WNT8A: variants seen among roughly 807,000 people sequenced by gnomAD.
The protein encoded by WNT8A is Wnt family member 8A.
In WNT8A, 14 loss-of-function variants were observed where a neutral mutation model predicts 20.5. The observed-to-expected ratio is 0.68, with a 90% CI of 0.45 to 1.07. The LOEUF is 1.07. WNT8A is among the 50% of genes least tolerant of loss of function. The pLI is 0.00. For synonymous variants in WNT8A, 167 were observed against 169.2 expected (o/e 0.99, Z 0.10); for missense variants, 397 against 462.9 (o/e 0.86, Z 1.31).
intron 1 of WNT8A, 86 bp from the exon 2 acceptor site, chr5:138,084,412 A>G (rs1422920027): frequency 1.3e-6 from 2 of 1,549,572 alleles, no homozygotes; most frequent in Non-Finnish European, 8.7e-7. Context: ...CTTAATGGAG[A>G]GCTGGCCCAT....
upstream of WNT8A, chr5:138,083,871 C>T (rs994496761): frequency 8.4e-5 from 40 of 474,854 alleles, 1 homozygote; most frequent in Admixed American, 3.1e-4. Context: ...CTGGGCAGGG[C>T]GGGGCTTTTG....
intron 2 of WNT8A, among the ~76,000 whole-genome samples, chr5:138,085,853 CAA>C (rs11377173): frequency 2.9e-4 from 22 of 74,920 alleles, no homozygotes; most frequent in African/African-American, 6.9e-4. Context: ...GACCTTGTCT[CAA>C]AAAAAAAAAA....
chr5:138,087,625 C>A (rs1750708002), intron 2 of WNT8A, among the ~76,000 whole-genome samples, 181 bp from the exon 3 acceptor site: 1 of 123,148 alleles, frequency 8.1e-6, no homozygotes, highest in Non-Finnish European at 1.6e-5. Context: ...CCACTGCACT[C>A]CAGCCTGGTG....
chr5:138,083,282 C>A (rs1315112672), upstream of WNT8A, among the ~76,000 whole-genome samples: 22 of 124,600 alleles, frequency 1.8e-4, no homozygotes, highest in South Asian at 5.2e-4. Context: ...GACTCTGTCT[C>A]AAAAAAAAAA....
upstream of WNT8A, among the ~76,000 whole-genome samples, chr5:138,080,984 G>A (rs1490541880): frequency 2.0e-5 from 3 of 152,142 alleles, no homozygotes; most frequent in African/African-American, 7.2e-5. Context: ...GCTCACGCCT[G>A]TAATCCCAGC....
At chr5:138,086,864 A>G (rs1015149643) in intron 2 of WNT8A, among the ~76,000 whole-genome samples, 2 of 141,588 alleles carry the variant, frequency 1.4e-5, no homozygotes, top group African/African-American at 5.2e-5. Flanking sequence ...GTGAAACCCC[A>G]TATGTACTAA....
the WNT8A span, among the ~76,000 whole-genome samples, chr5:138,077,818 G>A: frequency 2.0e-5 from 3 of 152,226 alleles, no homozygotes; most frequent in South Asian, 4.2e-4. Context: ...ATCCTTGGGC[G>A]ATCGCTGTGT....
At chr5:138,083,001 G>A (rs781082968), upstream of WNT8A, among the ~76,000 whole-genome samples, 7 of 151,996 alleles carry the variant, frequency 4.6e-5, no homozygotes, top group Non-Finnish European at 8.8e-5. Context: ...AGGCATCAGG[G>A]CCACGCCCAG....
chr5:138,085,234 G>A (rs1581356874), intron 2 of WNT8A, among the ~76,000 whole-genome samples: 1 of 152,104 alleles, frequency 6.6e-6, no homozygotes, highest in African/African-American at 2.4e-5. Flanking sequence ...CGTGCCCAGC[G>A]GAAATTACTC....
In WNT8A at chr5:138,091,169, T is replaced by G; in HGVS notation, c.*96T>G. The G allele has an allele frequency of 6.5e-7, 1 of 1,538,764 alleles. No individual in the cohort carries two copies. Among genetic ancestry groups the G allele is most frequent in the Non-Finnish European group, 8.7e-7 (1 of 1,152,142 alleles). On this transcript the variant is annotated 3_prime_UTR_variant, in exon 5 of 5. Transcript: ENST00000506684. ...ACAGATTGGAAAGCAATCGGAAAAT[T>G]GCAGTTTTGGTCTGTAGTCCTCATG...
chr5:138,088,167 C>G (rs1750732821), intron 3 of WNT8A, among the ~76,000 whole-genome samples: 1 of 152,048 alleles, frequency 6.6e-6, no homozygotes, highest in African/African-American at 2.4e-5. Context: ...AATGAGAAAG[C>G]CGAAGAGACT....
intron 2 of WNT8A, among the ~76,000 whole-genome samples, chr5:138,086,181 G>A (rs146413835): frequency 2.0e-5 from 3 of 152,102 alleles, no homozygotes; most frequent in African/African-American, 7.2e-5. Context: ...CACCACAATT[G>A]GAAAGTGGTC....
chr5:138,082,876 AAAATAAATAAATAAATAAAT>A (rs61652264), upstream of WNT8A, among the ~76,000 whole-genome samples: 2 of 137,770 alleles, frequency 1.5e-5, no homozygotes. Context: ...ACTCCATCTC[AAAATAAATAAATAAATAAAT>A]AAATAAATAA....
upstream of WNT8A, among the ~76,000 whole-genome samples, chr5:138,079,877 G>A (rs1010137134): frequency 2.0e-5 from 3 of 152,310 alleles, no homozygotes; most frequent in Admixed American, 6.5e-5. Flanking sequence ...TTCTCTCCAG[G>A]AAACCTCTGT....
chr5:138,091,088 A>G lies in WNT8A; in HGVS notation c.*15A>G. ...GCAGTGCCTGATAATACCCCACACAAGTTCACTTGATTAATTGCATCAGTG... is the reference window on the plus strand; with the variant it reads ...GCAGTGCCTGATAATACCCCACACAGGTTCACTTGATTAATTGCATCAGTG... On this transcript the variant is annotated 3_prime_UTR_variant, in exon 5 of 5. Transcript: ENST00000506684. 1 of 1,599,424 alleles carries G rather than the reference A, an allele frequency of 6.3e-7. No homozygotes were observed. Among genetic ancestry groups the G allele is most frequent in the Non-Finnish European group, 8.5e-7 (1 of 1,172,006 alleles).
chr5:138,090,593 G>GTCTGT lies in WNT8A; in HGVS notation c.630_631insTCTGT (p.Thr211SerfsTer18). 6.2e-7 allele frequency: 1 copy of GTCTGT among 1,614,184 alleles called. No individual in the cohort carries two copies. The highest frequency in any genetic ancestry group is 8.5e-7 in the Non-Finnish European group (1 of 1,180,026). The stretch of plus-strand genomic sequence containing the variant: ...GCATCTCTGGGAGCTGCAGCATACA[G>GTCTGT]ACATGCTGGCTGCAGCTGGCTGAAT... On this transcript the variant is annotated frameshift_variant, in exon 5 of 5. Transcript: ENST00000506684. LOFTEE classifies it low-confidence loss of function (END_TRUNC).
At chr5:138,092,045 A>G (rs908824313), downstream of WNT8A, 5 of 152,026 alleles carry the variant, frequency 3.3e-5, no homozygotes, top group African/African-American at 1.2e-4. Flanking sequence ...GTCCCACAAG[A>G]GCGATGCTCC....
At chr5:138,086,240 C>G (rs1750657824) in intron 2 of WNT8A, among the ~76,000 whole-genome samples, 1 of 152,076 alleles carries the variant, frequency 6.6e-6, no homozygotes, top group African/African-American at 2.4e-5. Context: ...ATTTTTGAGA[C>G]AGGGTTTCAC....
At chr5:138,090,064 G>T (rs570804486) in intron 4 of WNT8A, among the ~76,000 whole-genome samples, 1 of 152,284 alleles carries the variant, frequency 6.6e-6, no homozygotes, top group East Asian at 1.9e-4. Flanking sequence ...AGAAGACCCA[G>T]AGGACAAATC....
Sources: gnomAD v4.1 joint callset for allele counts (sites outside exome capture counted in the v4.1 genomes callset) on GRCh38, gnomAD v4.1.1 for gene constraint, MANE v1.5 for transcripts, NCBI Gene and HGNC (gene_info 2026-07-23, HGNC 2026-07-21) for gene names.